The following SORL1 variants were observed in gnomAD, a reference collection of about 807,000 sequenced individuals.
SORL1 encodes the protein sortilin-related receptor.
Under a neutral mutation model 273.7 loss-of-function variants are expected in SORL1, and 127 were observed. The ratio of observed to expected loss-of-function variants is 0.46; its 90% CI spans 0.40 to 0.54. SORL1 has a LOEUF of 0.54. SORL1 is among the 20% of genes least tolerant of loss of function. The pLI, the probability that SORL1 is intolerant of heterozygous loss-of-function variation, is 0.00. For synonymous variants in SORL1, 1,031 were observed against 1,067.4 expected, an observed-to-expected ratio of 0.97 and a Z score of 0.66; for missense variants, 2,494 against 2,846.1, an observed-to-expected ratio of 0.88 and a Z score of 2.81.
rs994660018 is a variant in SORL1, at chr11:121,595,069, T to A, written c.4370-554T>A. On this transcript the variant is annotated intron_variant, in intron 31 of 47. Coordinates refer to ENST00000260197, the MANE Select transcript of SORL1 (RefSeq NM_003105.6). This position sits in a 1 kb window ranked among gnomAD's most constrained non-coding sequence, Gnocchi z 5.1. Reference sequence around the variant, plus strand: ...GCCTATCTAAACAACTCTCTGTTTTTACTTTCTCCAAATAACAACCCTCCA... The same window carrying A: ...GCCTATCTAAACAACTCTCTGTTTTAACTTTCTCCAAATAACAACCCTCCA... 6.6e-6 allele frequency among the ~76,000 whole-genome samples: 1 copy of A among 152,266 alleles called. No homozygotes were observed. Among genetic ancestry groups the A allele is most frequent in the Non-Finnish European group, 1.5e-5 (1 of 68,042 alleles).
intron 17 of SORL1, 47 bp from the exon 18 acceptor site, chr11:121,555,140 G>A: frequency 1.3e-6 from 2 of 1,563,924 alleles, no homozygotes; most frequent in Non-Finnish European, 1.7e-6. Context: ...TTGGCAGGGG[G>A]TCGTTTGAAC....
At chr11:121,607,021 T>C in intron 36 of SORL1, 64 bp downstream of exon 36, 1 of 1,279,400 alleles carries the variant, frequency 7.8e-7, no homozygotes, top group Non-Finnish European at 1.1e-6. Flanking sequence ...CTGGGTATTC[T>C]GTATGACGAG....
intron 41 of SORL1, among the ~76,000 whole-genome samples, chr11:121,617,792 GAA>G (rs1161588778): frequency 6.6e-6 from 1 of 152,170 alleles, no homozygotes; most frequent in African/African-American, 2.4e-5. Context: ...TTCCCTGCTT[GAA>G]ACTCCCTCAG....
chr11:121,469,726 G>T (rs778650045), intron 1 of SORL1, among the ~76,000 whole-genome samples: 1 of 152,186 alleles, frequency 6.6e-6, no homozygotes, highest in Admixed American at 6.5e-5. Context: ...TATCATAAAG[G>T]ATGAAAATAA....
At position 121,595,772 on chromosome 11, in the gene SORL1, C is replaced by T. The variant is rs766334209; in HGVS notation, c.4519C>T (p.Pro1507Ser). 2.0e-5 allele frequency: 32 copies of T among 1,611,774 alleles called. No homozygotes were observed. The highest frequency in any genetic ancestry group is 2.6e-5 in the Non-Finnish European group (31 of 1,179,960). ...GGATGGCCGGGACGAGGCCAATTGC[C>T]GTGAGTAGTCAGAGAGCCCTTCACC... ...CQDGRDEANC[P>S]THSTLTCMSR... The change falls in exon 32 of 48, where the codon CCC becomes TCC. Residue 1507 changes from proline to serine, a missense_variant and splice_region_variant. By Grantham distance (74) the Pro-to-Ser change is moderately conservative (BLOSUM62 -1). Coordinates refer to ENST00000260197, the MANE Select transcript of SORL1 (RefSeq NM_003105.6). This position sits in a 1 kb window ranked among gnomAD's most constrained non-coding sequence, Gnocchi z 5.1.
chr11:121,452,754 T>A lies in SORL1; in HGVS notation c.285+138T>A, dbSNP rs757213974. The A allele has an allele frequency of 1.4e-5, 10 of 701,122 alleles. No individual in the cohort carries two copies. The highest frequency in any genetic ancestry group is 2.1e-5 in the Non-Finnish European group (10 of 465,834). The allele number at this position is 701,122 out of a possible 1,614,324, so 43.4% of individuals were successfully genotyped here. A position where few individuals can be genotyped will look rare whatever the true frequency, so the allele number is the denominator to read the frequency against. On this transcript the variant is annotated intron_variant, in intron 1 of 47. Transcript: ENST00000260197. This position sits in a 1 kb window ranked among gnomAD's most constrained non-coding sequence, Gnocchi z 5.3. ...CCCGGCTTGCATTTGTTTTTTTCCT[T>A]CACGAGTACAACCGTCAGCACTTGA...
At chr11:121,483,673 C>G (rs568005938) in intron 3 of SORL1, among the ~76,000 whole-genome samples, 17 of 152,256 alleles carry the variant, frequency 1.1e-4, no homozygotes, top group African/African-American at 3.4e-4. Context: ...AGCTCTTGGT[C>G]AGTCTGTAGG....
intron 6 of SORL1, among the ~76,000 whole-genome samples, chr11:121,503,624 A>G (rs923855887): frequency 1.3e-5 from 2 of 152,086 alleles, no homozygotes; most frequent in Non-Finnish European, 2.9e-5. Context: ...AGTAGCTGCA[A>G]CTGCAGGCAT....
Position 121,497,018 on chromosome 11 carries a change from G to A in SORL1, c.908G>A (p.Arg303Gln), listed in dbSNP as rs747072530. Residue 303 changes from arginine to glutamine, a missense_variant, in exon 6 of 48, where the codon CGG becomes CAG. By Grantham distance (43) the Arg-to-Gln change is conservative. This residue lies in a region of SORL1 where 710 missense variants were observed against 882.5 expected (regional missense o/e 0.80). Transcript: ENST00000260197. ...ILEEVRDFQL[R>Q]DKYMFATKVV... ...GAGGAAGTGAGAGATTTTCAGCTTC[G>A]GGACAAGTACATGTTTGCTACAAAG... 2 of 1,613,928 alleles carry A rather than the reference G, an allele frequency of 1.2e-6. No homozygotes were observed. Among genetic ancestry groups the A allele is most frequent in the African/African-American group, 1.3e-5 (1 of 75,018 alleles).
At chr11:121,521,250 T>G (rs543727793) in intron 9 of SORL1, among the ~76,000 whole-genome samples, 1 of 152,210 alleles carries the variant, frequency 6.6e-6, no homozygotes, top group African/African-American at 2.4e-5. Flanking sequence ...TACTTCTTGG[T>G]TTTTCTTCTC....
At chr11:121,586,405 C>A in intron 27 of SORL1, 76 bp downstream of exon 27, 1 of 1,092,008 alleles carries the variant, frequency 9.2e-7, no homozygotes, top group Non-Finnish European at 1.4e-6. Context: ...GGACTAAATC[C>A]TTTCATTTCC....
chr11:121,470,025 C>G lies in SORL1; in HGVS notation c.304C>G (p.His102Asp). The G allele has an allele frequency of 1.2e-6, 2 of 1,613,580 alleles. No individual in the cohort carries two copies. The highest frequency in any genetic ancestry group is 1.7e-6 in the Non-Finnish European group (2 of 1,179,514). ...VYGQVSLNDS[H>D]NQMVVHWAGE... The stretch of plus-strand genomic sequence containing the variant: ...CTTTCAGGTTAGTCTGAATGATTCC[C>G]ACAATCAGATGGTGGTGCACTGGGC... The change falls in exon 2 of 48, where the codon CAC becomes GAC. Residue 102 changes from histidine (H) to aspartate (D), a missense_variant. By Grantham distance (81) the His-to-Asp change is moderately conservative. Around this residue, in one of 3 missense-constraint regions of SORL1, gnomAD observed 175 missense variants for 147.1 expected, o/e 1.19. Transcript: ENST00000260197.
At chr11:121,481,872 T>C (rs1861393801) in intron 3 of SORL1, among the ~76,000 whole-genome samples, 1 of 145,130 alleles carries the variant, frequency 6.9e-6, no homozygotes, top group Non-Finnish European at 1.5e-5. Flanking sequence ...CAGATACCTA[T>C]AGGCAGGCTT....
chr11:121,627,761 G>T lies in SORL1; in HGVS notation c.6571G>T (p.Asp2191Tyr). 1.2e-6 allele frequency: 2 copies of T among 1,612,786 alleles called. No individual in the cohort carries two copies. The highest frequency in any genetic ancestry group is 1.7e-4 in the Middle Eastern group (1 of 5,860). Residue 2191 changes from aspartate (D) to tyrosine (Y), a missense_variant, in exon 47 of 48, where the codon GAC becomes TAC. This residue lies in a region of SORL1 where 1,609 missense variants were observed against 1,816.4 expected (regional missense o/e 0.89). Coordinates refer to ENST00000260197, the MANE Select transcript of SORL1 (RefSeq NM_003105.6). The surrounding 1 kb of genome is among the most constrained non-coding windows in gnomAD (Gnocchi z 4.9). ...LGSAIFSSGD[D>Y]LGEDDEDAPM... ...GTCCGCAATCTTCTCCTCTGGGGATGACCTGGGTAAGTGGGGCAGGGAGAG... is the reference window on the plus strand; with the variant it reads ...GTCCGCAATCTTCTCCTCTGGGGATTACCTGGGTAAGTGGGGCAGGGAGAG...
In SORL1 at chr11:121,591,249, A is replaced by G; in HGVS notation, c.4369+93A>G. 5 of 1,360,558 alleles carry G rather than the reference A, an allele frequency of 3.7e-6. No homozygotes were observed. The East Asian group carries it at 6.9e-5, about 19-fold the overall frequency. The allele number at this position is 1,360,558 out of a possible 1,614,324, so 84.3% of individuals were successfully genotyped here. ...TCTGGGCACAATCCAACCGGGCCCCATGCCCTGCTGTCTGGGACTCTGCTG... is the reference window on the plus strand; with the variant it reads ...TCTGGGCACAATCCAACCGGGCCCCGTGCCCTGCTGTCTGGGACTCTGCTG... On this transcript the variant is annotated intron_variant, in intron 31 of 47. Transcript: ENST00000260197.
chr11:121,479,326 C>T (rs907151467), intron 3 of SORL1, among the ~76,000 whole-genome samples: 48 of 152,098 alleles, frequency 3.2e-4, no homozygotes, highest in African/African-American at 1.1e-3. Flanking sequence ...CTTGTGTTAC[C>T]GTGTTTGTTT....
rs146912322 is a variant in SORL1 at position 121,452,954 on chromosome 11, C to T, written c.285+338C>T. 4.2e-6 allele frequency: 1 copy of T among 239,580 alleles called. No individual in the cohort carries two copies. The highest frequency in any genetic ancestry group is 2.2e-5 in the African/African-American group (1 of 44,740). The allele number at this position is 239,580 out of a possible 1,614,324, so 14.8% of individuals were successfully genotyped here. ...AAAAAACGGGCTTTCTTTAGTGTAT[C>T]ATCAGTTGGCAGTGGAGGCGAGCAC... On this transcript the variant is annotated intron_variant, in intron 1 of 47. Transcript: ENST00000260197. The surrounding 1 kb of genome is among the most constrained non-coding windows in gnomAD (Gnocchi z 5.3).
chr11:121,486,719 T>TC (rs1161512188), intron 3 of SORL1, among the ~76,000 whole-genome samples: 1 of 151,710 alleles, frequency 6.6e-6, no homozygotes, highest in Non-Finnish European at 1.5e-5. Flanking sequence ...GACCTCGTGA[T>TC]CCCCCCGCCT....
At chr11:121,571,242 G>A (rs1862838951) in intron 23 of SORL1, among the ~76,000 whole-genome samples, 1 of 152,254 alleles carries the variant, frequency 6.6e-6, no homozygotes, top group African/African-American at 2.4e-5. Context: ...GGTGAACCAA[G>A]CAGAGGTGGA....
Sources: allele counts gnomAD v4.1 joint callset (sites outside exome capture counted in the v4.1 genomes callset), GRCh38; gene constraint gnomAD v4.1.1; regional missense constraint gnomAD v4.1.1; non-coding constraint Gnocchi (gnomAD v3.1); transcripts MANE v1.5; gene names NCBI Gene and HGNC (gene_info 2026-07-23, HGNC 2026-07-21).